RBFOX1: variants seen among roughly 807,000 people sequenced by gnomAD.
RBFOX1 encodes RNA binding protein fox-1 homolog 1.
A neutral mutation model predicts 57.7 loss-of-function variants in RBFOX1; 8 were observed. That is an observed-to-expected ratio of 0.14 (90% confidence interval 0.08 to 0.25). The LOEUF is 0.25. RBFOX1 is among the 10% of genes least tolerant of loss of function. The pLI is 1.00. For missense variants in RBFOX1, 611 were observed against 548.5 expected (o/e 1.11, Z -1.14); for synonymous variants, 326 against 222.4 (o/e 1.47, Z -4.15).
intron 4 of RBFOX1, among the ~76,000 whole-genome samples, chr16:7,222,432 G>A (rs1440152985): frequency 6.6e-6 from 1 of 152,174 alleles, no homozygotes; most frequent in Non-Finnish European, 1.5e-5. Context: ...AGGGCATGTG[G>A]CAGCCCAGAG....
At chr16:6,809,491 A>G (rs12923180) in intron 3 of RBFOX1, among the ~76,000 whole-genome samples, 18,849 of 152,134 alleles carry the variant, frequency 0.12, 1,395 homozygotes, top group Non-Finnish European at 0.15. Context: ...CCTCATCTAC[A>G]TTGAAGAGCT....
At chr16:7,593,863 A>G (rs2094561152) in intron 7 of RBFOX1, among the ~76,000 whole-genome samples, 1 of 152,186 alleles carries the variant, frequency 6.6e-6, no homozygotes, top group Non-Finnish European at 1.5e-5. Flanking sequence ...TAGAATCCCG[A>G]CAAATAATCA....
chr16:5,908,332 A>ATG (rs879393323), intron 4 of RBFOX1, among the ~76,000 whole-genome samples: 8,336 of 137,412 alleles, frequency 0.061, 871 homozygotes, highest in African/African-American at 0.2. Flanking sequence ...ACATATATAT[A>ATG]TGTGTGTGTG....
chr16:5,631,330 AGGTG>A (rs2048499624), intron 3 of RBFOX1, among the ~76,000 whole-genome samples: 1 of 152,154 alleles, frequency 6.6e-6, no homozygotes, highest in Non-Finnish European at 1.5e-5. Context: ...AAGCCGAGGC[AGGTG>A]GATCACGAGG....
chr16:7,242,962 C>T (rs1443776703), intron 4 of RBFOX1, among the ~76,000 whole-genome samples: 2 of 152,252 alleles, frequency 1.3e-5, no homozygotes, highest in Admixed American at 1.3e-4. Context: ...TTATCTTCTT[C>T]CTTCATTTGT....
At chr16:6,427,237 C>G (rs948630159) in intron 2 of RBFOX1, among the ~76,000 whole-genome samples, 5 of 152,206 alleles carry the variant, frequency 3.3e-5, no homozygotes, top group Admixed American at 6.5e-5. Flanking sequence ...TGCTTCTGCC[C>G]TCTTGGCAGG....
At chr16:6,005,436 C>A (rs1484025465) in intron 4 of RBFOX1, among the ~76,000 whole-genome samples, 1 of 152,178 alleles carries the variant, frequency 6.6e-6, no homozygotes, top group African/African-American at 2.4e-5. Context: ...GTGTCCCTGC[C>A]CCCAAGGAGC....
At position 6,984,503 on chromosome 16, in the gene RBFOX1, A is replaced by G. The variant is rs1295924834; in HGVS notation, c.-15-67554A>G. 4.6e-5 allele frequency among the ~76,000 whole-genome samples: 7 copies of G among 152,100 alleles called. No homozygotes were observed. In the East Asian group the frequency reaches 1.4e-3, roughly 29 times the overall value. On this transcript the variant is annotated intron_variant, in intron 3 of 15. Coordinates refer to ENST00000550418, the MANE Select transcript of RBFOX1 (RefSeq NM_018723.4). ...GGCAGGTTTTGTTACTTGCAGCCTA[A>G]AGTCTCCTCACCTTTAGTAGTCACT...
intron 14 of RBFOX1, among the ~76,000 whole-genome samples, chr16:7,695,004 C>G (rs1201317954): frequency 6.6e-6 from 1 of 151,840 alleles, no homozygotes; most frequent in Non-Finnish European, 1.5e-5. Flanking sequence ...GCCTTATAAG[C>G]AAGTGATCCA....
At chr16:5,633,358 C>T (rs886199631) in intron 3 of RBFOX1, among the ~76,000 whole-genome samples, 1 of 152,076 alleles carries the variant, frequency 6.6e-6, no homozygotes, top group Non-Finnish European at 1.5e-5. Flanking sequence ...TGTAAAAAAA[C>T]TTTCAATAGT....
At chr16:5,404,532 A>G (rs1027260004) in intron 1 of RBFOX1, among the ~76,000 whole-genome samples, 6 of 152,196 alleles carry the variant, frequency 3.9e-5, no homozygotes, top group African/African-American at 1.4e-4. Context: ...GTGTGAAGGT[A>G]ACTGGGCTGA....
intron 3 of RBFOX1, among the ~76,000 whole-genome samples, chr16:6,852,614 G>C (rs1272660165): frequency 6.6e-6 from 1 of 152,192 alleles, no homozygotes; most frequent in Non-Finnish European, 1.5e-5. Flanking sequence ...TGAGATGCAT[G>C]CTGGGAACTA....
At chr16:5,757,601 C>T (rs2053446538) in intron 3 of RBFOX1, among the ~76,000 whole-genome samples, 1 of 152,140 alleles carries the variant, frequency 6.6e-6, no homozygotes, top group Non-Finnish European at 1.5e-5. Context: ...GGTTATAACT[C>T]AGCCACAGAG....
At chr16:5,630,514 C>T (rs577332229) in intron 3 of RBFOX1, among the ~76,000 whole-genome samples, 1 of 152,128 alleles carries the variant, frequency 6.6e-6, no homozygotes, top group South Asian at 2.1e-4. Flanking sequence ...CAGATGTGCC[C>T]CACCATCTGA....
intron 2 of RBFOX1, among the ~76,000 whole-genome samples, chr16:5,542,421 T>A (rs1470533066): frequency 6.6e-6 from 1 of 151,412 alleles, no homozygotes; most frequent in Non-Finnish European, 1.5e-5. Context: ...GCTAATTTTT[T>A]TTTTTTTTTG....
At chr16:6,814,003 G>T (rs1017842056) in intron 3 of RBFOX1, among the ~76,000 whole-genome samples, 1 of 151,088 alleles carries the variant, frequency 6.6e-6, no homozygotes, top group Non-Finnish European at 1.5e-5. Context: ...TCTGAGGACC[G>T]GTTCAGTGAT....
At chr16:5,992,246 A>T (rs1317711644) in intron 4 of RBFOX1, among the ~76,000 whole-genome samples, 2 of 152,234 alleles carry the variant, frequency 1.3e-5, no homozygotes, top group African/African-American at 4.8e-5. Flanking sequence ...CAAGTTCTTT[A>T]GAAGATTGTT....
chr16:5,363,031 CTTTTTTTTTTTT>C (rs35426149), intron 1 of RBFOX1, among the ~76,000 whole-genome samples: 1 of 95,420 alleles, frequency 1.0e-5, no homozygotes, highest in East Asian at 3.3e-4. Context: ...GATTTTAATT[CTTTTTTTTTTTT>C]TTTTTTTTGA....
In RBFOX1 at chr16:7,368,652, C is replaced by T. The variant is rs9930977; in HGVS notation, c.28-149495C>T. ...AAAATTAGCCAGGCGTGGTGGCGGG[C>T]ACCTGTAGTCCCAGCTACTCAGGAG... On this transcript the variant is annotated intron_variant, in intron 4 of 15. Coordinates refer to ENST00000550418, the MANE Select transcript of RBFOX1 (RefSeq NM_018723.4). 5.6e-3 allele frequency among the ~76,000 whole-genome samples: 855 copies of T among 151,910 alleles called. 8 individuals carry two copies. The highest frequency in any genetic ancestry group is 0.019 in the African/African-American group (800 of 41,410).
Sources: allele counts gnomAD v4.1 joint callset (sites outside exome capture counted in the v4.1 genomes callset), GRCh38; gene constraint gnomAD v4.1.1; transcripts MANE v1.5; gene names NCBI Gene and HGNC (gene_info 2026-07-23, HGNC 2026-07-21).